MB21D2: variants seen among roughly 807,000 people sequenced by gnomAD.
MB21D2 encodes nucleotidyltransferase MB21D2.
A neutral mutation model predicts 33.3 loss-of-function variants in MB21D2; 9 were observed. That is an observed-to-expected ratio of 0.27 (90% confidence interval 0.16 to 0.47). The LOEUF (loss-of-function observed/expected upper bound fraction) is 0.47, where lower values mean the gene tolerates loss of function less well. Ranked by LOEUF, MB21D2 falls within the 20% of genes least tolerant of loss-of-function variation. The pLI is 0.99. For missense variants in MB21D2, 540 were observed against 624.6 expected (o/e 0.86, Z 1.44); for synonymous variants, 241 against 236.3 (o/e 1.02, Z -0.18).
chr3:192,890,525 A>G (rs1383419736), intron 1 of MB21D2, among the ~76,000 whole-genome samples: 5 of 151,718 alleles, frequency 3.3e-5, no homozygotes, highest in African/African-American at 1.2e-4. Context: ...AACTTCCCAC[A>G]TGATAATTTT....
At chr3:192,844,695 C>T (rs1174863552) in intron 1 of MB21D2, among the ~76,000 whole-genome samples, 1 of 152,158 alleles carries the variant, frequency 6.6e-6, no homozygotes, top group Admixed American at 6.5e-5. Flanking sequence ...GGGCTGGAGG[C>T]TCCAGGGCGA....
chr3:192,818,184 T>C (rs1247364164), intron 1 of MB21D2, among the ~76,000 whole-genome samples: 1 of 152,154 alleles, frequency 6.6e-6, no homozygotes, highest in Non-Finnish European at 1.5e-5. Flanking sequence ...TTCTCATGTC[T>C]CACATGAGAC....
chr3:192,856,803 T>TG (rs1712927960), intron 1 of MB21D2, among the ~76,000 whole-genome samples: 1 of 152,196 alleles, frequency 6.6e-6, no homozygotes, highest in African/African-American at 2.4e-5. Context: ...TCTGCACATT[T>TG]GGGCCTCCGA....
intron 1 of MB21D2, among the ~76,000 whole-genome samples, chr3:192,876,973 G>A (rs1265456558): frequency 2.0e-5 from 3 of 152,216 alleles, no homozygotes; most frequent in Non-Finnish European, 2.9e-5. Flanking sequence ...CTCTGCCCTC[G>A]AGTTTATTTC....
At chr3:192,886,109 A>T (rs1165064410) in intron 1 of MB21D2, among the ~76,000 whole-genome samples, 2 of 151,416 alleles carry the variant, frequency 1.3e-5, no homozygotes, top group African/African-American at 2.4e-5. Context: ...ACAGGCGCCC[A>T]CCTCCATGCC....
chr3:192,839,410 G>C (rs1712520545), intron 1 of MB21D2, among the ~76,000 whole-genome samples: 1 of 152,118 alleles, frequency 6.6e-6, no homozygotes, highest in African/African-American at 2.4e-5. Context: ...CTGGCAATTA[G>C]AACTGGATGG....
Position 192,910,128 on chromosome 3 carries a change from T to C in MB21D2, c.211+7502A>G, listed in dbSNP as rs556597327. On this transcript the variant is annotated intron_variant, in intron 1 of 1. Coordinates refer to ENST00000392452, the MANE Select transcript of MB21D2 (RefSeq NM_178496.4). Reference sequence around the variant, plus strand: ...ATGGCAAATAAGGTAGGTAAAATCCTCGGAGGTCACCAATGTGAGAATTCA... The same window carrying C: ...ATGGCAAATAAGGTAGGTAAAATCCCCGGAGGTCACCAATGTGAGAATTCA... Among the ~76,000 whole-genome samples, 399 of 151,314 alleles carry C rather than the reference T, an allele frequency of 2.6e-3. 1 individual carries two copies. The highest frequency in any genetic ancestry group is 3.9e-3 in the Non-Finnish European group (264 of 67,838).
chr3:192,840,738 A>G (rs1460508970), intron 1 of MB21D2, among the ~76,000 whole-genome samples: 6 of 152,154 alleles, frequency 3.9e-5, no homozygotes, highest in African/African-American at 7.2e-5. Context: ...GATAAATCAG[A>G]GGCTTTGGAT....
intron 1 of MB21D2, among the ~76,000 whole-genome samples, chr3:192,881,985 C>T (rs1398684123): frequency 6.6e-6 from 1 of 152,116 alleles, no homozygotes; most frequent in African/African-American, 2.4e-5. Context: ...CACAAAAGAA[C>T]ATTTCCTAAA....
At chr3:192,900,153 G>A (rs559154663) in intron 1 of MB21D2, among the ~76,000 whole-genome samples, 31 of 151,836 alleles carry the variant, frequency 2.0e-4, no homozygotes, top group East Asian at 9.7e-4. Flanking sequence ...GCGTCGTGGC[G>A]GGCGCCTGTA....
chr3:192,802,300 C>A (rs1330625039), intron 1 of MB21D2, among the ~76,000 whole-genome samples: 2 of 152,170 alleles, frequency 1.3e-5, no homozygotes, highest in African/African-American at 4.8e-5. Flanking sequence ...TCAGCTTCTC[C>A]TACTTGAACC....
At chr3:192,916,545 G>A (rs1260770711) in intron 1 of MB21D2, among the ~76,000 whole-genome samples, 1 of 152,206 alleles carries the variant, frequency 6.6e-6, no homozygotes, top group Admixed American at 6.5e-5. Flanking sequence ...GCGCTACCCT[G>A]GAGTACCAGT....
At chr3:192,896,478 A>G (rs533327053) in intron 1 of MB21D2, among the ~76,000 whole-genome samples, 1 of 152,126 alleles carries the variant, frequency 6.6e-6, no homozygotes, top group Admixed American at 6.6e-5. Flanking sequence ...CTCAGCCTCA[A>G]AGAAGCTGGA....
At chr3:192,873,821 G>C (rs1361822087) in intron 1 of MB21D2, among the ~76,000 whole-genome samples, 4 of 152,122 alleles carry the variant, frequency 2.6e-5, no homozygotes, top group Non-Finnish European at 5.9e-5. Context: ...TCCTGCCTCA[G>C]CCTCCTGAGT....
At position 192,799,560 on chromosome 3, in the gene MB21D2, T is replaced by C. The variant is rs753747381; in HGVS notation, c.302A>G (p.Asp101Gly). 1 of 1,614,092 alleles carries C rather than the reference T, an allele frequency of 6.2e-7. No homozygotes were observed. Among genetic ancestry groups the C allele is most frequent in the South Asian group, 1.1e-5 (1 of 91,070 alleles). ...GGCATAGACATTAAGCTCATCTAAG[T>C]CCAGGTCCACCACGCCTTCCCGGAC... ...GGVREGVVDL[D>G]LDELNVYARG... is the part of the protein sequence containing the mutation. The change falls in exon 2 of 2, where the codon GAC becomes GGC. Residue 101 changes from aspartate (D) to glycine (G), a missense_variant. Asp to Gly is a moderately conservative substitution (Grantham distance 94). Transcript: ENST00000392452. The surrounding 1 kb of genome is among the most constrained non-coding windows in gnomAD (Gnocchi z 4.1).
At chr3:192,810,689 G>A (rs796843177) in intron 1 of MB21D2, among the ~76,000 whole-genome samples, 3 of 151,874 alleles carry the variant, frequency 2.0e-5, no homozygotes, top group African/African-American at 7.2e-5. Flanking sequence ...CCATTTTTTT[G>A]GCATAATATG....
chr3:192,873,797 G>A (rs958896053), intron 1 of MB21D2, among the ~76,000 whole-genome samples: 1 of 152,072 alleles, frequency 6.6e-6, no homozygotes, highest in African/African-American at 2.4e-5. Context: ...CTGCCTCTCG[G>A]GTTCAAGCAA....
At chr3:192,902,798 C>T (rs1714130410) in intron 1 of MB21D2, among the ~76,000 whole-genome samples, 1 of 152,230 alleles carries the variant, frequency 6.6e-6, no homozygotes, top group African/African-American at 2.4e-5. Flanking sequence ...CATGCAGCGG[C>T]AACTCCTCCC....
At chr3:192,897,186 T>C (rs963173122) in intron 1 of MB21D2, among the ~76,000 whole-genome samples, 3 of 152,148 alleles carry the variant, frequency 2.0e-5, no homozygotes, top group African/African-American at 7.2e-5. Flanking sequence ...AAAGGTTGCA[T>C]AGCTTGTTCA....
Sources: gnomAD v4.1 joint callset for allele counts (sites outside exome capture counted in the v4.1 genomes callset) on GRCh38, gnomAD v4.1.1 for gene constraint, Gnocchi (gnomAD v3.1) non-coding constraint, MANE v1.5 for transcripts, NCBI Gene and HGNC (gene_info 2026-07-23, HGNC 2026-07-21) for gene names.